The following TSHZ3 variants were observed in gnomAD, a reference collection of about 807,000 sequenced individuals.
TSHZ3 encodes teashirt zinc finger homeobox 3.
Under a neutral mutation model 64.5 loss-of-function variants are expected in TSHZ3, and 10 were observed. That is an observed-to-expected ratio of 0.16 (90% CI 0.10 to 0.26). The LOEUF (loss-of-function observed/expected upper bound fraction) is 0.26, where lower values mean the gene tolerates loss of function less well. Among genes scored for constraint, TSHZ3 ranks in the 10% least tolerant of loss-of-function variants. The probability of loss-of-function intolerance (pLI) is 1.00; values close to 1 mark genes in which losing one functional copy is unlikely to be tolerated. For synonymous variants in TSHZ3, 608 were observed against 593.1 expected, an observed-to-expected ratio of 1.03 and a Z score of -0.36; for missense variants, 1,242 against 1,421.7, an observed-to-expected ratio of 0.87 and a Z score of 2.03.
intron 1 of TSHZ3, among the ~76,000 whole-genome samples, chr19:31,336,511 T>C (rs1444264189): frequency 1.3e-5 from 2 of 152,232 alleles, no homozygotes; most frequent in Admixed American, 6.5e-5. Flanking sequence ...TCTGAGCATC[T>C]TGACGGTGGA....
At chr19:31,318,863 G>T (rs762867386) in intron 1 of TSHZ3, among the ~76,000 whole-genome samples, 1 of 152,140 alleles carries the variant, frequency 6.6e-6, no homozygotes, top group African/African-American at 2.4e-5. Flanking sequence ...AGGAACAAAC[G>T]ATCCGGTCAC....
At chr19:31,296,805 A>T (rs981565881) in intron 1 of TSHZ3, among the ~76,000 whole-genome samples, 1 of 152,118 alleles carries the variant, frequency 6.6e-6, no homozygotes, top group Non-Finnish European at 1.5e-5. Context: ...GGGTTCTGGC[A>T]CTGGGGGTCA....
At chr19:31,165,823 T>C (rs1974443255) in intron 5 of TSHZ3, among the ~76,000 whole-genome samples, 1 of 152,154 alleles carries the variant, frequency 6.6e-6, no homozygotes, top group Non-Finnish European at 1.5e-5. Context: ...ACAATATACT[T>C]TTTATTTGTT....
chr19:31,299,849 G>A (rs928926602), intron 1 of TSHZ3, among the ~76,000 whole-genome samples: 1 of 152,226 alleles, frequency 6.6e-6, no homozygotes, highest in Non-Finnish European at 1.5e-5. Flanking sequence ...GGAGGGGACA[G>A]TAGGAACACT....
chr19:31,342,940 C>T (rs1917480166), intron 1 of TSHZ3, among the ~76,000 whole-genome samples: 1 of 152,230 alleles, frequency 6.6e-6, no homozygotes, highest in Non-Finnish European at 1.5e-5. Flanking sequence ...CACCTGGATT[C>T]ACAGTGCATT....
intron 1 of TSHZ3, among the ~76,000 whole-genome samples, chr19:31,245,063 GTTA>G (rs937289158): frequency 1.3e-5 from 2 of 152,084 alleles, no homozygotes; most frequent in African/African-American, 4.8e-5. Flanking sequence ...TATTCACAGT[GTTA>G]TTATCTCTGG....
chr19:31,194,485 AAGTGGC>A (rs1974956952), intron 5 of TSHZ3, among the ~76,000 whole-genome samples: 2 of 152,166 alleles, frequency 1.3e-5, no homozygotes, highest in African/African-American at 4.8e-5. Context: ...TGTCCCATCT[AAGTGGC>A]AGTGGGGTGG....
exon 3 of TSHZ3, among the ~76,000 whole-genome samples, chr19:31,242,426 C>T (rs1039532683): frequency 1.3e-5 from 2 of 152,134 alleles, no homozygotes; most frequent in Non-Finnish European, 2.9e-5. Context: ...AAACCTGGGG[C>T]AGGGGTTGCT....
chr19:31,205,996 G>T (rs1357342023), intron 4 of TSHZ3, among the ~76,000 whole-genome samples: 1 of 152,070 alleles, frequency 6.6e-6, no homozygotes, highest in African/African-American at 2.4e-5. Flanking sequence ...TGAATAGATG[G>T]GTGGATGGAT....
chr19:31,224,021 A>G lies in TSHZ3; in HGVS notation n.686+3984T>C, dbSNP rs143632184. ...CCAGGCCTTTGGACACAGGAAGTAGAAGCAAGGTGATGAAAAATGAAAGGC... is the reference window on the plus strand; with the variant it reads ...CCAGGCCTTTGGACACAGGAAGTAGGAGCAAGGTGATGAAAAATGAAAGGC... On this transcript the variant is annotated intron_variant and non_coding_transcript_variant, in intron 4 of 6. Transcript: ENST00000651361. 4.9e-3 allele frequency among the ~76,000 whole-genome samples: 744 copies of G among 152,340 alleles called. 6 individuals carry two copies. Among genetic ancestry groups the G allele is most frequent in the Non-Finnish European group, 6.2e-3 (420 of 68,040 alleles).
chr19:31,320,873 C>T (rs940315011), intron 1 of TSHZ3, among the ~76,000 whole-genome samples: 5 of 152,106 alleles, frequency 3.3e-5, no homozygotes, highest in South Asian at 2.1e-4. Flanking sequence ...CTGAGTCCTG[C>T]GCAGTGTTCA....
chr19:31,235,463 C>G (rs1373373870), intron 3 of TSHZ3, among the ~76,000 whole-genome samples: 1 of 151,994 alleles, frequency 6.6e-6, no homozygotes. Flanking sequence ...CTGTCTCTAC[C>G]TGACTTATAT....
At chr19:31,315,948 C>T (rs1253035020) in intron 1 of TSHZ3, among the ~76,000 whole-genome samples, 5 of 150,464 alleles carry the variant, frequency 3.3e-5, no homozygotes, top group Non-Finnish European at 7.4e-5. Context: ...ATTTTTTTTT[C>T]CCACAGAGAA....
At chr19:31,286,015 G>A (rs1268055096) in intron 1 of TSHZ3, among the ~76,000 whole-genome samples, 1 of 152,092 alleles carries the variant, frequency 6.6e-6, no homozygotes, top group Admixed American at 6.5e-5. Context: ...GGACTAGCAA[G>A]TGAGAGGCCG....
chr19:31,152,588 G>A (rs1291458052), intron 6 of TSHZ3, among the ~76,000 whole-genome samples: 1 of 152,162 alleles, frequency 6.6e-6, no homozygotes, highest in Non-Finnish European at 1.5e-5. Flanking sequence ...AGGATGTTCA[G>A]GAGTGCCAGA....
At chr19:31,330,244 T>G in intron 1 of TSHZ3, among the ~76,000 whole-genome samples, 1 of 152,116 alleles carries the variant, frequency 6.6e-6, no homozygotes. Flanking sequence ...CGCTAAACTC[T>G]CAACAGCTGC....
chr19:31,277,652 G>A lies in TSHZ3; in HGVS notation c.2141C>T (p.Pro714Leu). Residue 714 changes from proline (P) to leucine (L), a missense_variant, in exon 2 of 2, where the codon CCT becomes CTT. By Grantham distance (98) the Pro-to-Leu change is moderately conservative (BLOSUM62 -3). Coordinates refer to ENST00000240587, the MANE Select transcript of TSHZ3 (RefSeq NM_020856.4). This position sits in a 1 kb window ranked among gnomAD's most constrained non-coding sequence, Gnocchi z 4.5. ...CAAAGGGTTAACAAAAGGCTGTTCA[G>A]GCGGGTGGTCGGTGATGATGGCCGT... is the stretch of plus-strand genomic sequence containing the variant. ...GSTAIITDHP[P>L]EQPFVNPLSA... 2 of 1,538,098 alleles carry A rather than the reference G, an allele frequency of 1.3e-6. No homozygotes were observed. The highest frequency in any genetic ancestry group is 1.7e-6 in the Non-Finnish European group (2 of 1,143,542).
At chr19:31,248,083 C>T (rs1975781804) in intron 1 of TSHZ3, among the ~76,000 whole-genome samples, 1 of 152,004 alleles carries the variant, frequency 6.6e-6, no homozygotes, top group Non-Finnish European at 1.5e-5. Context: ...CTTATAAAAC[C>T]ATCAGATCTC....
At chr19:31,301,096 G>GT (rs1283119687) in intron 1 of TSHZ3, among the ~76,000 whole-genome samples, 1 of 152,026 alleles carries the variant, frequency 6.6e-6, no homozygotes. Flanking sequence ...TTTAAAAATC[G>GT]TTTTTTCCCC....
Sources: gnomAD v4.1 joint callset for allele counts (sites outside exome capture counted in the v4.1 genomes callset) on GRCh38, gnomAD v4.1.1 for gene constraint, Gnocchi (gnomAD v3.1) non-coding constraint, MANE v1.5 for transcripts, NCBI Gene and HGNC (gene_info 2026-07-23, HGNC 2026-07-21) for gene names.